HAS3: variants seen among roughly 807,000 people sequenced by gnomAD.
The protein encoded by HAS3 is HA synthase 3.
In HAS3, 27 loss-of-function variants were observed where a neutral mutation model predicts 50.3. The ratio of observed to expected loss-of-function variants is 0.54; its 90% CI spans 0.40 to 0.74. The LOEUF (loss-of-function observed/expected upper bound fraction) is 0.74. Ranked by LOEUF, HAS3 falls within the 30% of genes least tolerant of loss-of-function variation. HAS3 has a pLI of 0.00. For missense variants in HAS3, 517 were observed against 742.8 expected (o/e 0.70, Z 3.53); for synonymous variants, 339 against 310.9 (o/e 1.09, Z -0.95).
At chr16:69,103,540 C>CAT, upstream of HAS3, among the ~76,000 whole-genome samples, 1 of 152,016 alleles carries the variant, frequency 6.6e-6, no homozygotes, top group South Asian at 2.1e-4. Flanking sequence ...GGATTACAGG[C>CAT]GCCTGCCACC....
At chr16:69,103,289 G>C (rs945468395), upstream of HAS3, among the ~76,000 whole-genome samples, 7 of 152,214 alleles carry the variant, frequency 4.6e-5, no homozygotes, top group Admixed American at 4.6e-4. Flanking sequence ...GGAAGGATCA[G>C]AGATATCCTC....
chr16:69,099,264 C>A, the HAS3 span, among the ~76,000 whole-genome samples: 1 of 151,982 alleles, frequency 6.6e-6, no homozygotes, highest in Non-Finnish European at 1.5e-5. Flanking sequence ...AGCCACCGCG[C>A]CCGGCCAAAC....
rs754330920 is a variant in HAS3, at chr16:69,115,705, G to A, written c.*439G>A. ...AGGAGAATTTCTACTGAGCGAGCTG[G>A]GCCGGTTAGTGTATGTCACCCCCAC... On this transcript the variant is annotated 3_prime_UTR_variant, in exon 4 of 4. Coordinates refer to ENST00000569188, the MANE Select transcript of HAS3 (RefSeq NM_001199280.2). 31 of 990,566 alleles carry A rather than the reference G, an allele frequency of 3.1e-5. No individual in the cohort carries two copies. The highest frequency in any genetic ancestry group is 3.7e-5 in the Non-Finnish European group (31 of 833,694). The allele number at this position is 990,566 out of a possible 1,614,324, so 61.4% of individuals were successfully genotyped here. A position where few individuals can be genotyped will look rare whatever the true frequency, so the allele number is the denominator to read the frequency against.
the HAS3 span, among the ~76,000 whole-genome samples, chr16:69,088,531 C>G: frequency 7.4e-4 from 110 of 148,618 alleles, 1 homozygote; most frequent in Admixed American, 1.1e-3. Context: ...TGCCCTCCAG[C>G]CTGGATGAAG....
upstream of HAS3, among the ~76,000 whole-genome samples, chr16:69,104,991 G>GGT (rs1960748787): frequency 5.6e-5 from 5 of 89,838 alleles, no homozygotes; most frequent in Admixed American, 1.1e-4. Context: ...TCTGTTTTTT[G>GGT]GTTTTTTTTT....
At chr16:69,113,991 A>C (rs1961096092) in intron 3 of HAS3, among the ~76,000 whole-genome samples, 1 of 152,140 alleles carries the variant, frequency 6.6e-6, no homozygotes, top group Non-Finnish European at 1.5e-5. Context: ...CAACCACAGA[A>C]ATCTCAGGAC....
At position 69,116,302 on chromosome 16, in the gene HAS3, T is replaced by C. The variant is rs534799048; in HGVS notation, c.*1036T>C. 3.0e-6 allele frequency: 3 copies of C among 985,804 alleles called. No homozygotes were observed. The African/African-American group carries it at 5.2e-5, about 17-fold the overall frequency. The allele number at this position is 985,804 out of a possible 1,614,324, so 61.1% of individuals were successfully genotyped here. A position where few individuals can be genotyped will look rare whatever the true frequency, so the allele number is the denominator to read the frequency against. ...GCAATTGGGGCGGAGCCCCGGCTCT[T>C]ATAGAAGCTTCAGCAGGAGGCAAGC... On this transcript the variant is annotated 3_prime_UTR_variant, in exon 4 of 4. Transcript: ENST00000569188.
rs1003464566 is a variant in HAS3, at chr16:69,106,884, C to T, written c.-1+1097C>T. The T allele has an allele frequency of 6.6e-6, 1 of 152,208 alleles. No homozygotes were observed. Among genetic ancestry groups the T allele is most frequent in the African/African-American group, 2.4e-5 (1 of 41,462 alleles). 9.4% of individuals were successfully genotyped at this position (152,208 alleles called of 1,614,324 possible). On this transcript the variant is annotated intron_variant, in intron 1 of 3. Coordinates refer to ENST00000569188, the MANE Select transcript of HAS3 (RefSeq NM_001199280.2). This position sits in a 1 kb window ranked among gnomAD's most constrained non-coding sequence, Gnocchi z 5.5. ...TCCATGCCGCTGCGTGTGGCCCTGC[C>T]GCGGGGCGCACCTGTCAGCGGGAGA...
upstream of HAS3, among the ~76,000 whole-genome samples, chr16:69,102,757 G>T (rs964763777): frequency 1.3e-5 from 2 of 152,208 alleles, no homozygotes; most frequent in Non-Finnish European, 2.9e-5. Context: ...AGCTGGCGGC[G>T]TGAGAAGGGC....
chr16:69,111,962 T>C (rs1321855675), intron 2 of HAS3, among the ~76,000 whole-genome samples: 1 of 152,236 alleles, frequency 6.6e-6, no homozygotes, highest in East Asian at 1.9e-4. Context: ...AGCCCTGGGA[T>C]CACTGCATAA....
the HAS3 span, among the ~76,000 whole-genome samples, chr16:69,100,650 C>T: frequency 1.3e-5 from 2 of 152,314 alleles, no homozygotes; most frequent in East Asian, 1.9e-4. Context: ...AACCGTGGGA[C>T]GATGGAGCAC....
chr16:69,095,377 G>A, the HAS3 span, among the ~76,000 whole-genome samples: 1 of 152,032 alleles, frequency 6.6e-6, no homozygotes, highest in Non-Finnish European at 1.5e-5. Context: ...CTCTTCTTAC[G>A]TGCTCTAGAG....
chr16:69,116,457 C>A lies in HAS3; in HGVS notation c.*1191C>A. ...CTTTCAGGCTACTGTTCTTGACAAT[C>A]ATCTCCAATGGAAAGCTTTTCAGTG... On this transcript the variant is annotated 3_prime_UTR_variant, in exon 4 of 4. Coordinates refer to ENST00000569188, the MANE Select transcript of HAS3 (RefSeq NM_001199280.2). 1 of 985,878 alleles carries A rather than the reference C, an allele frequency of 1.0e-6. No homozygotes were observed. Among genetic ancestry groups the A allele is most frequent in the Non-Finnish European group, 1.2e-6 (1 of 829,914 alleles). 61.1% of individuals were successfully genotyped at this position (985,878 alleles called of 1,614,324 possible).
upstream of HAS3, among the ~76,000 whole-genome samples, chr16:69,102,008 A>T (rs570883688): frequency 4.6e-5 from 7 of 151,588 alleles, no homozygotes; most frequent in East Asian, 1.4e-3. Context: ...CTGGTCTTAA[A>T]CTCCTGACCT....
rs975205101 is a variant in HAS3, at chr16:69,116,897, G to C, written c.*1631G>C. 1.0e-5 allele frequency: 10 copies of C among 985,450 alleles called. No individual in the cohort carries two copies. The highest frequency in any genetic ancestry group is 1.7e-5 in the African/African-American group (1 of 57,372). 61.0% of individuals were successfully genotyped at this position (985,450 alleles called of 1,614,324 possible). ...CAGCACTAAGGTGGACAGCAGACAA[G>C]AGGGCAAGCCTCTAGTGTACCAAGT... On this transcript the variant is annotated 3_prime_UTR_variant, in exon 4 of 4. Transcript: ENST00000569188.
the HAS3 span, among the ~76,000 whole-genome samples, chr16:69,099,010 G>A: frequency 2.0e-5 from 3 of 148,610 alleles, no homozygotes; most frequent in South Asian, 2.1e-4. Flanking sequence ...TCGCCCTGTC[G>A]CCCAGGCTGG....
At chr16:69,096,213 C>G in the HAS3 span, among the ~76,000 whole-genome samples, 1 of 98,866 alleles carries the variant, frequency 1.0e-5, no homozygotes, top group African/African-American at 4.0e-5. Context: ...CAGACTCCGT[C>G]TCAAAAAAAA....
At chr16:69,112,970 T>C (rs947949721) in intron 2 of HAS3, among the ~76,000 whole-genome samples, 9 of 152,192 alleles carry the variant, frequency 5.9e-5, no homozygotes, top group African/African-American at 2.2e-4. Context: ...AAGTAGGTAG[T>C]CTGGTAACCA....
chr16:69,114,895 C>A lies in HAS3; in HGVS notation c.1291C>A (p.Arg431=), dbSNP rs778099887. 31 of 1,613,998 alleles carry A rather than the reference C, an allele frequency of 1.9e-5. No homozygotes were observed. In the Admixed American group the frequency reaches 2.0e-4, roughly 10 times the overall value. Reference sequence around the variant, plus strand: ...CAAGGCCACCTACGCCTGCTTCCTTCGGGGCAATGCAGAGATGATCTTCAT... The same window carrying A: ...CAAGGCCACCTACGCCTGCTTCCTTAGGGGCAATGCAGAGATGATCTTCAT... ...IIKATYACFL[R]GNAEMIFMSL... Residue 431 remains arginine, a synonymous_variant, in exon 4 of 4, where the codon CGG becomes AGG. Coordinates refer to ENST00000569188, the MANE Select transcript of HAS3 (RefSeq NM_001199280.2). This position sits in a 1 kb window ranked among gnomAD's most constrained non-coding sequence, Gnocchi z 6.4.
Sources: allele counts gnomAD v4.1 joint callset (sites outside exome capture counted in the v4.1 genomes callset), GRCh38; gene constraint gnomAD v4.1.1; non-coding constraint Gnocchi (gnomAD v3.1); transcripts MANE v1.5; gene names NCBI Gene and HGNC (gene_info 2026-07-23, HGNC 2026-07-21).